LHFPL3: variants seen among roughly 807,000 people sequenced by gnomAD.
LHFPL3 encodes LHFPL tetraspan subfamily member 3 protein.
A neutral mutation model predicts 19.3 loss-of-function variants in LHFPL3; 5 were observed. The observed-to-expected ratio is 0.26, with a 90% CI of 0.14 to 0.54. LHFPL3 has a LOEUF of 0.54. Ranked by LOEUF, LHFPL3 falls within the 20% of genes least tolerant of loss-of-function variation. The probability of loss-of-function intolerance (pLI) is 0.94; values close to 1 mark genes in which losing one functional copy is unlikely to be tolerated. For missense variants in LHFPL3, 249 were observed against 307.4 expected, an observed-to-expected ratio of 0.81 and a Z score of 1.42; for synonymous variants, 133 against 126.2, an observed-to-expected ratio of 1.05 and a Z score of -0.36.
At position 104,845,578 on chromosome 7, in the gene LHFPL3, TTCTG is replaced by T. The variant is rs373042298; in HGVS notation, c.683-60605_683-60602del. On this transcript the variant is annotated intron_variant, in intron 2 of 2. Transcript: ENST00000424859. ...AACTGCCGCTTTCAAGCCATAAATCTTCTGTCTTTGTTCCTGATTTTATATTTTT... is the reference window on the plus strand; with the variant it reads ...AACTGCCGCTTTCAAGCCATAAATCTTCTTTGTTCCTGATTTTATATTTTT... 510 of 903,892 alleles carry T rather than the reference TTCTG, an allele frequency of 5.6e-4. 4 individuals are homozygous for T. In the East Asian group the frequency reaches 0.011, roughly 20 times the overall value. The allele number at this position is 903,892 out of a possible 1,614,324, so 56.0% of individuals were successfully genotyped here. A position where few individuals can be genotyped will look rare whatever the true frequency, so the allele number is the denominator to read the frequency against.
intron 2 of LHFPL3, among the ~76,000 whole-genome samples, chr7:104,742,200 A>G (rs1223283159): frequency 6.6e-6 from 1 of 152,208 alleles, no homozygotes; most frequent in Non-Finnish European, 1.5e-5. Context: ...CTCCTATGCC[A>G]CAAATATCTC....
intron 1 of LHFPL3, among the ~76,000 whole-genome samples, chr7:104,673,425 G>T (rs1031862572): frequency 1.3e-5 from 2 of 152,110 alleles, no homozygotes; most frequent in Non-Finnish European, 2.9e-5. Flanking sequence ...CATTATAATG[G>T]CTAGTGCATG....
intron 2 of LHFPL3, chr7:104,845,333 G>A: frequency 2.0e-6 from 2 of 1,021,084 alleles, no homozygotes; most frequent in Non-Finnish European, 3.0e-6. Context: ...TGAAGTGTGA[G>A]CTCTTATTTT....
At chr7:104,510,888 G>T (rs756958882) in intron 1 of LHFPL3, among the ~76,000 whole-genome samples, 1 of 152,046 alleles carries the variant, frequency 6.6e-6, no homozygotes, top group African/African-American at 2.4e-5. Context: ...AATAAACACC[G>T]GGGCCTATCA....
intron 2 of LHFPL3, among the ~76,000 whole-genome samples, chr7:104,892,699 A>C (rs954375898): frequency 7.2e-5 from 8 of 110,396 alleles, no homozygotes; most frequent in African/African-American, 2.9e-4. Context: ...TGACAGAGTG[A>C]GACTGTCTCA....
intron 2 of LHFPL3, among the ~76,000 whole-genome samples, chr7:104,829,645 A>G (rs1006419270): frequency 4.0e-5 from 6 of 151,688 alleles, no homozygotes; most frequent in African/African-American, 9.7e-5. Context: ...CCATGTCCCT[A>G]CAAAGGACAT....
At position 104,736,776 on chromosome 7, in the gene LHFPL3, G is replaced by T; in HGVS notation, c.547G>T (p.Ala183Ser). 6.2e-7 allele frequency: 1 copy of T among 1,613,676 alleles called. No individual in the cohort carries two copies. The highest frequency in any genetic ancestry group is 8.5e-7 in the Non-Finnish European group (1 of 1,179,810). ...GEKTDKYTLGACSVRWAYILA... is the reference protein window; with the variant it reads ...GEKTDKYTLGSCSVRWAYILA... ...AAAGACAGACAAGTACACTCTTGGGGCTTGCTCAGTCCGCTGGGCATACAT... is the reference window on the plus strand; with the variant it reads ...AAAGACAGACAAGTACACTCTTGGGTCTTGCTCAGTCCGCTGGGCATACAT... Residue 183 changes from alanine to serine, a missense_variant, in exon 2 of 3, where the codon GCT becomes TCT. Coordinates refer to ENST00000424859, the MANE Select transcript of LHFPL3 (RefSeq NM_199000.3).
At chr7:104,499,195 G>A (rs1399435473) in intron 1 of LHFPL3, among the ~76,000 whole-genome samples, 1 of 152,298 alleles carries the variant, frequency 6.6e-6, no homozygotes, top group African/African-American at 2.4e-5. Flanking sequence ...TAAGAGTCAG[G>A]AGACAGAGTC....
intron 1 of LHFPL3, among the ~76,000 whole-genome samples, chr7:104,715,005 T>C (rs1002188772): frequency 1.3e-5 from 2 of 152,016 alleles, no homozygotes; most frequent in Non-Finnish European, 2.9e-5. Flanking sequence ...AGAGAGAGAT[T>C]AGCTAAACTG....
intron 2 of LHFPL3, among the ~76,000 whole-genome samples, chr7:104,835,216 CTAAA>C (rs749016713): frequency 6.6e-6 from 1 of 151,966 alleles, no homozygotes; most frequent in Non-Finnish European, 1.5e-5. Context: ...TTTGCTGAGA[CTAAA>C]TGAGTTAATT....
At chr7:104,546,240 C>A (rs1408944532) in intron 1 of LHFPL3, among the ~76,000 whole-genome samples, 1 of 152,246 alleles carries the variant, frequency 6.6e-6, no homozygotes, top group East Asian at 1.9e-4. Context: ...AGGGAAACAA[C>A]CATAGAATTT....
chr7:104,543,576 A>G (rs1245619248), intron 1 of LHFPL3, among the ~76,000 whole-genome samples: 14 of 151,996 alleles, frequency 9.2e-5, no homozygotes, highest in Admixed American at 9.2e-4. Flanking sequence ...ATGGAATACT[A>G]TGCAGCCATA....
intron 1 of LHFPL3, among the ~76,000 whole-genome samples, chr7:104,430,677 C>G (rs1212658613): frequency 1.3e-5 from 2 of 150,472 alleles, no homozygotes; most frequent in East Asian, 3.9e-4. Flanking sequence ...ACCGTGTTTG[C>G]CAGGATGGTC....
intron 1 of LHFPL3, among the ~76,000 whole-genome samples, chr7:104,662,775 G>A (rs761653016): frequency 8.5e-5 from 13 of 152,132 alleles, no homozygotes; most frequent in Non-Finnish European, 1.6e-4. Context: ...TTGGAAACAG[G>A]ATTTTCCCAA....
intron 2 of LHFPL3, among the ~76,000 whole-genome samples, chr7:104,845,086 T>C (rs1457568955): frequency 6.6e-6 from 1 of 152,096 alleles, no homozygotes; most frequent in Non-Finnish European, 1.5e-5. Context: ...CACCAAAACA[T>C]GGTGAGGTAA....
chr7:104,475,863 C>A (rs1261895875), intron 1 of LHFPL3, among the ~76,000 whole-genome samples: 3 of 152,166 alleles, frequency 2.0e-5, no homozygotes. Flanking sequence ...TCTATTCTTT[C>A]TTGAATGAAA....
At chr7:104,387,388 A>G (rs887193362) in intron 1 of LHFPL3, among the ~76,000 whole-genome samples, 5 of 152,098 alleles carry the variant, frequency 3.3e-5, no homozygotes, top group South Asian at 2.1e-4. Context: ...AAATGAAAGT[A>G]AAAAAAAGAA....
chr7:104,904,617 C>T (rs1040779145), intron 2 of LHFPL3, among the ~76,000 whole-genome samples: 1 of 152,132 alleles, frequency 6.6e-6, no homozygotes, highest in Non-Finnish European at 1.5e-5. Context: ...TGCCACTGCA[C>T]TCTGGCCTGG....
chr7:104,334,345 G>A (rs1371860675), intron 1 of LHFPL3, among the ~76,000 whole-genome samples: 3 of 152,158 alleles, frequency 2.0e-5, no homozygotes, highest in Non-Finnish European at 2.9e-5. Flanking sequence ...TCAGGAGTTC[G>A]AGACTAGCCT....
Sources: allele counts gnomAD v4.1 joint callset (sites outside exome capture counted in the v4.1 genomes callset), GRCh38; gene constraint gnomAD v4.1.1; transcripts MANE v1.5; gene names NCBI Gene and HGNC (gene_info 2026-07-23, HGNC 2026-07-21).